The following ZNF577 variants were observed in gnomAD, a reference collection of about 807,000 sequenced individuals.
ZNF577 encodes zinc finger protein 577.
Under a neutral mutation model 13.9 loss-of-function variants are expected in ZNF577, and 14 were observed. The observed-to-expected ratio is 1.00, with a 90% CI of 0.66 to 1.57. ZNF577 has a LOEUF of 1.57. Ranked by LOEUF, ZNF577 falls within the 40% of genes most tolerant of loss-of-function variation. The pLI is 0.00. For missense variants in ZNF577, 555 were observed against 579.2 expected, an observed-to-expected ratio of 0.96 and a Z score of 0.43; for synonymous variants, 203 against 202.9, an observed-to-expected ratio of 1.00 and a Z score of 0.00.
chr19:51,851,586 T>C (rs962299821), intron 5 of ZNF577, among the ~76,000 whole-genome samples: 1 of 152,156 alleles, frequency 6.6e-6, no homozygotes, highest in Non-Finnish European at 1.5e-5. Context: ...ACACCCATAA[T>C]GCCCCCATAT....
At chr19:51,810,193 C>T (rs554917959) in intron 10 of ZNF577, among the ~76,000 whole-genome samples, 10 of 152,274 alleles carry the variant, frequency 6.6e-5, no homozygotes, top group South Asian at 4.1e-4. Context: ...CCACTGCTTG[C>T]GCTAATATTG....
At chr19:51,835,101 G>A (rs1358338382) in intron 9 of ZNF577, among the ~76,000 whole-genome samples, 1 of 151,696 alleles carries the variant, frequency 6.6e-6, no homozygotes, top group Non-Finnish European at 1.5e-5. Context: ...ATGAAATAGA[G>A]ATCAATAGAA....
At chr19:51,858,463 G>A (rs1454138334) in intron 5 of ZNF577, among the ~76,000 whole-genome samples, 1 of 152,082 alleles carries the variant, frequency 6.6e-6, no homozygotes, top group Non-Finnish European at 1.5e-5. Flanking sequence ...ATGTTGCAAT[G>A]GTCAAATCCA....
At chr19:51,820,561 C>A (rs1203228411) in intron 9 of ZNF577, among the ~76,000 whole-genome samples, 1 of 152,180 alleles carries the variant, frequency 6.6e-6, no homozygotes, top group African/African-American at 2.4e-5. Context: ...CCTGTCACTG[C>A]ACATTGTTGG....
intron 9 of ZNF577, among the ~76,000 whole-genome samples, chr19:51,834,991 T>C (rs2084281105): frequency 3.3e-5 from 5 of 152,178 alleles, no homozygotes. Context: ...AGAATAAGTG[T>C]GTGAACTCAA....
chr19:51,835,060 A>G (rs1297607216), intron 9 of ZNF577, among the ~76,000 whole-genome samples: 2 of 152,212 alleles, frequency 1.3e-5, no homozygotes, highest in Non-Finnish European at 2.9e-5. Flanking sequence ...TAAAGAAAAT[A>G]TAAGAAAATA....
At chr19:51,823,642 C>T in intron 9 of ZNF577, 1 of 940,582 alleles carries the variant, frequency 1.1e-6, no homozygotes, top group South Asian at 1.8e-5. Context: ...TGGGGAGGGT[C>T]TGCTGGTAGG....
At chr19:51,804,772 G>C (rs181900186), downstream of ZNF577, 326 of 152,274 alleles carry the variant, frequency 2.1e-3, 3 homozygotes, top group South Asian at 0.023. Flanking sequence ...CTGAACAAAG[G>C]GGGGTGAATG....
Position 51,868,274 on chromosome 19 carries a change from C to T in ZNF577, c.*4258G>A, listed in dbSNP as rs149188760. Among the ~76,000 whole-genome samples, 12 of 152,176 alleles carry T rather than the reference C, an allele frequency of 7.9e-5. No individual in the cohort carries two copies. Among genetic ancestry groups the T allele is most frequent in the African/African-American group, 2.9e-4 (12 of 41,516 alleles). On this transcript the variant is annotated 3_prime_UTR_variant, in exon 6 of 6. Transcript: ENST00000638348. ...GATGCAGTTGTTAATAGGCCAGTTC[C>T]GGACACTCCATAGGACACAGACACC...
chr19:51,805,386 GA>G (rs1226676592), intron 10 of ZNF577: 1 of 152,218 alleles, frequency 6.6e-6, no homozygotes, highest in African/African-American at 2.4e-5. Context: ...GTCTTCTAAA[GA>G]AGGCTGAAAT....
chr19:51,875,640 T>C (rs539722700), intron 5 of ZNF577, among the ~76,000 whole-genome samples: 1 of 152,354 alleles, frequency 6.6e-6, no homozygotes, highest in African/African-American at 2.4e-5. Context: ...ACTTTTTCTA[T>C]GTGGCTGGGT....
chr19:51,816,316 C>T (rs760626450), intron 9 of ZNF577, among the ~76,000 whole-genome samples: 2 of 152,164 alleles, frequency 1.3e-5, no homozygotes, highest in African/African-American at 4.8e-5. Context: ...GGCATGATCT[C>T]GGCTGACTAC....
Position 51,873,286 on chromosome 19 carries a change from G to GTTCTCT in ZNF577, c.698_703dup (p.Arg234_Thr235insLysArg), listed in dbSNP as rs2084695538. The GTTCTCT allele has an allele frequency of 6.2e-7, 1 of 1,613,230 alleles. No homozygotes were observed. The highest frequency in any genetic ancestry group is 1.3e-5 in the African/African-American group (1 of 74,986). Reference sequence around the variant, plus strand: ...TCTGTAGGGTTTCTCTCCTGTATGGGTTCTCTGATGGACCATGAGCTGTGA... The same window carrying GTTCTCT: ...TCTGTAGGGTTTCTCTCCTGTATGGGTTCTCTTTCTCTGATGGACCATGAGCTGTGA... On this transcript the variant is annotated inframe_insertion, in exon 6 of 6. Coordinates refer to ENST00000638348, the MANE Select transcript of ZNF577 (RefSeq NM_001370449.1).
intron 5 of ZNF577, among the ~76,000 whole-genome samples, chr19:51,875,097 A>C (rs1314261786): frequency 4.6e-5 from 7 of 152,078 alleles, no homozygotes; most frequent in Non-Finnish European, 8.8e-5. Flanking sequence ...GGCCAGGCGC[A>C]GTGCTTCACG....
intron 5 of ZNF577, chr19:51,861,113 CTTTTTTTTT>C: frequency 5.4e-6 from 1 of 184,260 alleles, no homozygotes; most frequent in South Asian, 4.8e-5. Context: ...TTGACTCTCT[CTTTTTTTTT>C]TTTTTTTTTT....
intron 8 of ZNF577, among the ~76,000 whole-genome samples, chr19:51,842,041 C>T (rs966651756): frequency 2.6e-5 from 4 of 152,084 alleles, no homozygotes; most frequent in Non-Finnish European, 5.9e-5. Context: ...GCTTGAAGGA[C>T]ACAGGTGTCA....
chr19:51,818,136 T>A (rs1026302179), intron 9 of ZNF577, among the ~76,000 whole-genome samples: 2 of 152,230 alleles, frequency 1.3e-5, no homozygotes, highest in African/African-American at 4.8e-5. Context: ...GAGTGCTTGC[T>A]ATTTTTCTCA....
At chr19:51,814,216 T>G (rs2084117713) in intron 9 of ZNF577, among the ~76,000 whole-genome samples, 1 of 152,216 alleles carries the variant, frequency 6.6e-6, no homozygotes, top group African/African-American at 2.4e-5. Context: ...TTCATGGTTG[T>G]GTTGTTTCAG....
chr19:51,831,314 A>C (rs1350682640), intron 9 of ZNF577, among the ~76,000 whole-genome samples: 1 of 152,082 alleles, frequency 6.6e-6, no homozygotes, highest in Non-Finnish European at 1.5e-5. Flanking sequence ...ATGGGGTTTC[A>C]CCATGTTGGC....
Sources: gnomAD v4.1 joint callset for allele counts (sites outside exome capture counted in the v4.1 genomes callset) on GRCh38, gnomAD v4.1.1 for gene constraint, MANE v1.5 for transcripts, NCBI Gene and HGNC (gene_info 2026-07-23, HGNC 2026-07-21) for gene names.